Variants in MYPN observed in about 807,000 individuals in gnomAD.
MYPN encodes sarcomeric protein myopalladin, 145 kDa (MYOP).
In MYPN, 63 loss-of-function variants were observed where a neutral mutation model predicts 129.4. The observed-to-expected ratio is 0.49, with a 90% CI of 0.40 to 0.60. The LOEUF (loss-of-function observed/expected upper bound fraction) is 0.60. Ranked by LOEUF, MYPN falls within the 20% of genes least tolerant of loss-of-function variation. MYPN has a pLI of 0.00. For synonymous variants in MYPN, 629 were observed against 600.9 expected, an observed-to-expected ratio of 1.05 and a Z score of -0.68; for missense variants, 1,596 against 1,635.4, an observed-to-expected ratio of 0.98 and a Z score of 0.42.
chr10:68,181,890 C>T (rs1471271567), intron 12 of MYPN, among the ~76,000 whole-genome samples: 1 of 151,954 alleles, frequency 6.6e-6, no homozygotes, highest in Non-Finnish European at 1.5e-5. Flanking sequence ...CCAAGAGGGT[C>T]CATTTAATCT....
intron 13 of MYPN, 66 bp downstream of exon 13, chr10:68,189,192 G>C (rs556741919): frequency 8.6e-7 from 1 of 1,168,154 alleles, no homozygotes; most frequent in African/African-American, 1.5e-5. Context: ...CCTTCAAGAA[G>C]GTCTTTAAAA....
upstream of MYPN, among the ~76,000 whole-genome samples, chr10:68,107,314 A>G (rs1314859016): frequency 1.3e-5 from 2 of 150,840 alleles, no homozygotes; most frequent in Non-Finnish European, 3.0e-5. Context: ...GATGACTGCC[A>G]TTCAGAATGT....
chr10:68,139,891 G>A lies in MYPN; in HGVS notation c.903-3049G>A, dbSNP rs114071139. On this transcript the variant is annotated intron_variant, in intron 2 of 19. Coordinates refer to ENST00000358913, the MANE Select transcript of MYPN (RefSeq NM_032578.4). Reference sequence around the variant, plus strand: ...TGAATAAGACCAATACGGTCCTCTCGTGCACTTTGCAGTCTAGTGAAGGGA... The same window carrying A: ...TGAATAAGACCAATACGGTCCTCTCATGCACTTTGCAGTCTAGTGAAGGGA... Among the ~76,000 whole-genome samples the A allele has an allele frequency of 2.9e-3, 441 of 152,264 alleles. 2 individuals carry two copies. Among genetic ancestry groups the A allele is most frequent in the African/African-American group, 0.01 (422 of 41,518 alleles).
In MYPN at chr10:68,195,639, T is replaced by C. The variant is rs868379505; in HGVS notation, c.3158+107T>C. 7.7e-6 allele frequency: 7 copies of C among 907,204 alleles called. No homozygotes were observed. In the Middle Eastern group the frequency reaches 1.1e-3, roughly 143 times the overall value. The allele number at this position is 907,204 out of a possible 1,614,324, so 56.2% of individuals were successfully genotyped here. A position where few individuals can be genotyped will look rare whatever the true frequency, so the allele number is the denominator to read the frequency against. On this transcript the variant is annotated intron_variant, in intron 15 of 19. Coordinates refer to ENST00000358913, the MANE Select transcript of MYPN (RefSeq NM_032578.4). ...CAAATTCTTAATTAAAGGTAGTCCTTCACTTGCAGCACTAGCATCACCTGG... is the reference window on the plus strand; with the variant it reads ...CAAATTCTTAATTAAAGGTAGTCCTCCACTTGCAGCACTAGCATCACCTGG...
chr10:68,194,651 T>A, intron 14 of MYPN, 139 bp downstream of exon 14: 2 of 1,005,214 alleles, frequency 2.0e-6, no homozygotes, highest in Non-Finnish European at 3.0e-6. Flanking sequence ...TTTGTGTAAC[T>A]AGGGCACAGC....
At chr10:68,123,549 G>A (rs1318682548) in intron 2 of MYPN, among the ~76,000 whole-genome samples, 1 of 151,236 alleles carries the variant, frequency 6.6e-6, no homozygotes, top group African/African-American at 2.4e-5. Context: ...AGCCAAGCAT[G>A]GTGGCGGGCG....
chr10:68,210,450 C>T lies in MYPN; in HGVS notation c.3958C>T (p.Leu1320Phe). 1 of 1,614,050 alleles carries T rather than the reference C, an allele frequency of 6.2e-7. No individual in the cohort carries two copies. The highest frequency in any genetic ancestry group is 8.5e-7 in the Non-Finnish European group (1 of 1,179,994). The change falls in exon 20 of 20, where the codon CTT (leucine) becomes TTT (phenylalanine). Residue 1320 changes from leucine (L) to phenylalanine (F), a missense_variant. By Grantham distance (22) the Leu-to-Phe change is conservative. Transcript: ENST00000358913. ...TCGGAGTGTAGTGGAGAGTGATGAA[C>T]TTTAAGAATGTCTAGGTACCTGCTG... The part of the protein sequence containing the change: ...SSRSVVESDE[L>F]
At position 68,174,279 on chromosome 10, in the gene MYPN, C is replaced by T. The variant is rs1204109828; in HGVS notation, c.2187C>T (p.Ser729=). 1 of 1,614,132 alleles carries T rather than the reference C, an allele frequency of 6.2e-7. No homozygotes were observed. The highest frequency in any genetic ancestry group is 1.7e-5 in the Admixed American group (1 of 60,014). ...CCCGGCCGAAGTATTTCTTCCCCTC[C>T]ACGAACACCACCGCAGCAACTGTGG... ...SLARPKYFFP[S]TNTTAATVAP... Residue 729 remains serine (S), a synonymous_variant, in exon 11 of 20, where the codon TCC becomes TCT. Transcript: ENST00000358913.
intron 2 of MYPN, among the ~76,000 whole-genome samples, chr10:68,129,385 G>C (rs2042375190): frequency 6.6e-6 from 1 of 152,066 alleles, no homozygotes; most frequent in African/African-American, 2.4e-5. Context: ...TCTACTACTT[G>C]AATTTTTTTC....
At chr10:68,155,009 G>A (rs576590681) in intron 6 of MYPN, among the ~76,000 whole-genome samples, 6 of 151,890 alleles carry the variant, frequency 4.0e-5, no homozygotes, top group African/African-American at 1.2e-4. Context: ...GCAAAACCCC[G>A]TCTCTAACTA....
chr10:68,195,376 C>A, intron 14 of MYPN, 74 bp from the exon 15 acceptor site: 1 of 1,430,626 alleles, frequency 7.0e-7, no homozygotes, highest in Non-Finnish European at 9.9e-7. Flanking sequence ...GTGTTCTGGT[C>A]CAGAAATTTT....
In MYPN at chr10:68,194,387, C is replaced by T; in HGVS notation, c.2950C>T (p.Gln984Ter). Residue 984 changes from glutamine to a stop codon, truncating the protein, a stop_gained, in exon 14 of 20, where the codon CAG (glutamine) becomes TAG (stop). Coordinates refer to ENST00000358913, the MANE Select transcript of MYPN (RefSeq NM_032578.4). LOFTEE classifies it high-confidence loss of function. ...PKVYWFKDGK[Q>*]ISKRNEHCKM... Reference sequence around the variant, plus strand: ...GGTTTACTGGTTCAAAGATGGGAAGCAGATTTCTAAGAGAAATGAGCACTG... The same window carrying T: ...GGTTTACTGGTTCAAAGATGGGAAGTAGATTTCTAAGAGAAATGAGCACTG... 1 of 1,613,574 alleles carries T rather than the reference C, an allele frequency of 6.2e-7. No individual in the cohort carries two copies. Among genetic ancestry groups the T allele is most frequent in the African/African-American group, 1.3e-5 (1 of 75,002 alleles).
intron 4 of MYPN, among the ~76,000 whole-genome samples, chr10:68,146,400 C>T (rs1030246673): frequency 5.9e-5 from 9 of 152,196 alleles, no homozygotes; most frequent in African/African-American, 1.9e-4. Flanking sequence ...CTATTGCACA[C>T]GCATCACTGC....
At position 68,122,391 on chromosome 10, in the gene MYPN, T is replaced by C. The variant is rs1224453525; in HGVS notation, c.902+51T>C. On this transcript the variant is annotated intron_variant, in intron 2 of 19. Transcript: ENST00000358913. ...GAGTAATGTTGCTTTCCATCTACCA[T>C]GACCCTCCCAAGTATTATCATTTAA... 7 of 1,580,586 alleles carry C rather than the reference T, an allele frequency of 4.4e-6. No individual in the cohort carries two copies. The South Asian group carries it at 7.8e-5, about 18-fold the overall frequency.
At chr10:68,090,577 A>T (rs1294256093) in intron 1 of MYPN, among the ~76,000 whole-genome samples, 1 of 152,230 alleles carries the variant, frequency 6.6e-6, no homozygotes, top group Non-Finnish European at 1.5e-5. Context: ...ATCCCGGACT[A>T]GGAGGCACTA....
rs776204291 is a variant in MYPN at position 68,201,815 on chromosome 10, C to G, written c.3494-14C>G. The G allele has an allele frequency of 1.9e-6, 3 of 1,613,472 alleles. No homozygotes were observed. Among genetic ancestry groups the G allele is most frequent in the Non-Finnish European group, 2.5e-6 (3 of 1,179,792 alleles). ...AAAAAGAAAGAAAAAAAGAATGACC[C>G]TTCTCTTGCTCAGCCAAAGAGGTGA... is the stretch of plus-strand genomic sequence containing the variant. On this transcript the variant is annotated splice_polypyrimidine_tract_variant and intron_variant, in intron 17 of 19. Transcript: ENST00000358913.
chr10:68,189,160 C>G, intron 13 of MYPN, 34 bp downstream of exon 13: 2 of 1,482,390 alleles, frequency 1.3e-6, no homozygotes, highest in Non-Finnish European at 1.9e-6. Flanking sequence ...GGCCACCTCA[C>G]AGCATGAAGC....
chr10:68,112,317 C>T (rs1037908654), intron 1 of MYPN, among the ~76,000 whole-genome samples: 1 of 152,166 alleles, frequency 6.6e-6, no homozygotes, highest in Non-Finnish European at 1.5e-5. Context: ...CAGTGTCTTT[C>T]ACTAGCGCTT....
In MYPN at chr10:68,145,642, A is replaced by AAAAT. The variant is rs909452914; in HGVS notation, c.1130+128_1130+131dup. On this transcript the variant is annotated intron_variant, in intron 4 of 19. Coordinates refer to ENST00000358913, the MANE Select transcript of MYPN (RefSeq NM_032578.4). ...AGGGTGGCTCCAGGGTTTGACCACA[A>AAAAT]AAATAAATAAATAAACAAACAAACA... 620 of 780,400 alleles carry AAAAT rather than the reference A, an allele frequency of 7.9e-4. 2 individuals are homozygous for AAAAT. Among genetic ancestry groups the AAAAT allele is most frequent in the Admixed American group, 2.2e-3 (104 of 48,054 alleles). The allele number at this position is 780,400 out of a possible 1,614,324, so 48.3% of individuals were successfully genotyped here.
Sources: allele counts gnomAD v4.1 joint callset (sites outside exome capture counted in the v4.1 genomes callset), GRCh38; gene constraint gnomAD v4.1.1; transcripts MANE v1.5; gene names NCBI Gene and HGNC (gene_info 2026-07-23, HGNC 2026-07-21).